Variants in FUCA2 observed in about 807,000 individuals in gnomAD.
FUCA2 encodes alpha-L-fucosidase 2.
Under a neutral mutation model 52.6 loss-of-function variants are expected in FUCA2, and 41 were observed. The ratio of observed to expected loss-of-function variants is 0.78; its 90% CI spans 0.61 to 1.01. The LOEUF (loss-of-function observed/expected upper bound fraction) is 1.01, where lower values mean the gene tolerates loss of function less well. Among genes scored for constraint, FUCA2 ranks in the 50% least tolerant of loss-of-function variants. The pLI is 0.00. For missense variants in FUCA2, 507 were observed against 569.5 expected (o/e 0.89, Z 1.12); for synonymous variants, 211 against 217.3 (o/e 0.97, Z 0.26).
chr6:143,498,047 A>G (rs1256858133), intron 5 of FUCA2, among the ~76,000 whole-genome samples: 1 of 152,222 alleles, frequency 6.6e-6, no homozygotes, highest in East Asian at 1.9e-4. Flanking sequence ...TTGAGAGATT[A>G]TAACAAAAGG....
chr6:143,497,267 C>T lies in FUCA2; in HGVS notation c.1263+122G>A. The T allele has an allele frequency of 7.3e-6, 5 of 682,312 alleles. No individual in the cohort carries two copies. In the South Asian group the frequency reaches 8.7e-5, roughly 12 times the overall value. 42.3% of individuals were successfully genotyped at this position (682,312 alleles called of 1,614,324 possible). On this transcript the variant is annotated intron_variant, in intron 6 of 6. Coordinates refer to ENST00000002165, the MANE Select transcript of FUCA2 (RefSeq NM_032020.5). The surrounding 1 kb of genome is among the most constrained non-coding windows in gnomAD (Gnocchi z 5.3). The stretch of plus-strand genomic sequence containing the variant: ...TGAGCCACAATGCTTGGCTGGAGCT[C>T]ATTTACAATTCCTTTTATGAAGTAT...
At chr6:143,498,363 G>A (rs1780490312) in intron 5 of FUCA2, among the ~76,000 whole-genome samples, 1 of 152,208 alleles carries the variant, frequency 6.6e-6, no homozygotes, top group Admixed American at 6.5e-5. Flanking sequence ...ATGCTATGGA[G>A]AAAACAAGCC....
rs1780660272 is a variant in FUCA2, at chr6:143,509,927, A to G, written c.224+1484T>C. On this transcript the variant is annotated intron_variant, in intron 1 of 6. Coordinates refer to ENST00000002165, the MANE Select transcript of FUCA2 (RefSeq NM_032020.5). The surrounding 1 kb of genome is among the most constrained non-coding windows in gnomAD (Gnocchi z 5.4). ...TTTTGGCACATTTTTAAAGGTAAAGAAACTCGAAAAATAGCAGGTGCATGA... is the reference window on the plus strand; with the variant it reads ...TTTTGGCACATTTTTAAAGGTAAAGGAACTCGAAAAATAGCAGGTGCATGA... Among the ~76,000 whole-genome samples, 2 of 152,226 alleles carry G rather than the reference A, an allele frequency of 1.3e-5. No homozygotes were observed. Among genetic ancestry groups the G allele is most frequent in the African/African-American group, 4.8e-5 (2 of 41,464 alleles).
rs1477429903 is a variant in FUCA2, at chr6:143,504,756, T to A, written c.413-504A>T. ...CCAAAGCTTGAAGTCTACTGCTTAG[T>A]TTTAGGATTGTTTATTTTATTATAG... On this transcript the variant is annotated intron_variant, in intron 2 of 6. Coordinates refer to ENST00000002165, the MANE Select transcript of FUCA2 (RefSeq NM_032020.5). This position sits in a 1 kb window ranked among gnomAD's most constrained non-coding sequence, Gnocchi z 4.4. The A allele has an allele frequency of 6.5e-6, 1 of 153,096 alleles. No homozygotes were observed. Among genetic ancestry groups the A allele is most frequent in the Non-Finnish European group, 1.5e-5 (1 of 68,694 alleles). The allele number at this position is 153,096 out of a possible 1,614,324, so 9.5% of individuals were successfully genotyped here. A position where few individuals can be genotyped will look rare whatever the true frequency, so the allele number is the denominator to read the frequency against.
In FUCA2 at chr6:143,503,541, C is replaced by T. The variant is rs1179064372; in HGVS notation, c.752+372G>A. 1.2e-5 allele frequency: 2 copies of T among 164,966 alleles called. No individual in the cohort carries two copies. The highest frequency in any genetic ancestry group is 2.4e-5 in the African/African-American group (1 of 41,736). The allele number at this position is 164,966 out of a possible 1,614,324, so 10.2% of individuals were successfully genotyped here. The stretch of plus-strand genomic sequence containing the variant: ...TAAGAGGATAAAAAGAAGCAGTCTG[C>T]GGGATTCAGAAGCAAATAGTCAGAA... On this transcript the variant is annotated intron_variant, in intron 3 of 6. Transcript: ENST00000002165. The surrounding 1 kb of genome is among the most constrained non-coding windows in gnomAD (Gnocchi z 4.8).
rs1208910696 is a variant in FUCA2 at position 143,510,910 on chromosome 6, G to A, written c.224+501C>T. ...TAAAAAGTTCCTAGAGCCACACATG[G>A]GTAACATGTTAACATTAAGTAGCCA... On this transcript the variant is annotated intron_variant, in intron 1 of 6. Transcript: ENST00000002165. This position sits in a 1 kb window ranked among gnomAD's most constrained non-coding sequence, Gnocchi z 4.4. Among the ~76,000 whole-genome samples the A allele has an allele frequency of 6.6e-6, 1 of 152,072 alleles. No homozygotes were observed. Among genetic ancestry groups the A allele is most frequent in the Non-Finnish European group, 1.5e-5 (1 of 68,016 alleles).
In FUCA2 at chr6:143,511,444, A is replaced by T. The variant is rs761024545; in HGVS notation, c.191T>A (p.Phe64Tyr). Residue 64 changes from phenylalanine to tyrosine, a missense_variant, in exon 1 of 7, where the codon TTT becomes TAT. Phe to Tyr is a conservative substitution (Grantham distance 22). Transcript: ENST00000002165. The surrounding 1 kb of genome is among the most constrained non-coding windows in gnomAD (Gnocchi z 6.3). ...KFGIFIHWGV[F>Y]SVPSFGSEWF... ...CTCGCTACCGAAGCTGGGCACGGAA[A>T]ACACTCCCCAGTGGATGAAGATGCC... is the stretch of plus-strand genomic sequence containing the variant. 6 of 1,611,746 alleles carry T rather than the reference A, an allele frequency of 3.7e-6. No homozygotes were observed. The Admixed American group carries it at 8.4e-5, about 22-fold the overall frequency.
chr6:143,507,545 T>A lies in FUCA2; in HGVS notation c.225-121A>T, dbSNP rs1294182236. On this transcript the variant is annotated intron_variant, in intron 1 of 6. Coordinates refer to ENST00000002165, the MANE Select transcript of FUCA2 (RefSeq NM_032020.5). This position sits in a 1 kb window ranked among gnomAD's most constrained non-coding sequence, Gnocchi z 4.5. ...TAGGACCCAGATTCTCTTTCTCACT[T>A]CCCCATTAGTTTGACTTGGCTTTAA... is the stretch of plus-strand genomic sequence containing the variant. 7 of 686,580 alleles carry A rather than the reference T, an allele frequency of 1.0e-5. No homozygotes were observed. The highest frequency in any genetic ancestry group is 1.9e-5 in the African/African-American group (1 of 52,832). 42.5% of individuals were successfully genotyped at this position (686,580 alleles called of 1,614,324 possible).
Position 143,497,509 on chromosome 6 carries a change from A to G in FUCA2, c.1155-12T>C. 1 of 1,478,638 alleles carries G rather than the reference A, an allele frequency of 6.8e-7. No individual in the cohort carries two copies. Among genetic ancestry groups the G allele is most frequent in the Non-Finnish European group, 9.4e-7 (1 of 1,059,874 alleles). 91.6% of individuals were successfully genotyped at this position (1,478,638 alleles called of 1,614,324 possible). On this transcript the variant is annotated splice_polypyrimidine_tract_variant and intron_variant, in intron 5 of 6. Coordinates refer to ENST00000002165, the MANE Select transcript of FUCA2 (RefSeq NM_032020.5). This position sits in a 1 kb window ranked among gnomAD's most constrained non-coding sequence, Gnocchi z 5.3. ...GCTTGGATGTGTACCTGGTTAAAAG[A>G]AAAAAATAAAGAGCATAGTAGCAAG...
rs565505422 is a variant in FUCA2 at position 143,501,451 on chromosome 6, C to T, written c.1154+481G>A. Reference sequence around the variant, plus strand: ...GGTACTCATTGACACACAGAACCTCCTCAAGCTCAGAGAGAAGCATCTTCC... The same window carrying T: ...GGTACTCATTGACACACAGAACCTCTTCAAGCTCAGAGAGAAGCATCTTCC... On this transcript the variant is annotated intron_variant, in intron 5 of 6. Coordinates refer to ENST00000002165, the MANE Select transcript of FUCA2 (RefSeq NM_032020.5). The surrounding 1 kb of genome is among the most constrained non-coding windows in gnomAD (Gnocchi z 6.1). Among the ~76,000 whole-genome samples the T allele has an allele frequency of 2.0e-5, 3 of 152,248 alleles. No individual in the cohort carries two copies. In the East Asian group the frequency reaches 5.8e-4, roughly 29 times the overall value.
Position 143,504,349 on chromosome 6 carries a change from G to A in FUCA2, c.413-97C>T, listed in dbSNP as rs1027445002. 35 of 987,564 alleles carry A rather than the reference G, an allele frequency of 3.5e-5. No homozygotes were observed. The highest frequency in any genetic ancestry group is 6.4e-5 in the South Asian group (4 of 62,236). The allele number at this position is 987,564 out of a possible 1,614,324, so 61.2% of individuals were successfully genotyped here. On this transcript the variant is annotated intron_variant, in intron 2 of 6. Coordinates refer to ENST00000002165, the MANE Select transcript of FUCA2 (RefSeq NM_032020.5). The surrounding 1 kb of genome is among the most constrained non-coding windows in gnomAD (Gnocchi z 4.4). ...CCCAAACAAATCACATAGTACATGC[G>A]ATATATAAATACCTGCTCCTACAAA... is the stretch of plus-strand genomic sequence containing the variant.
chr6:143,498,056 G>T (rs932231650), intron 5 of FUCA2, among the ~76,000 whole-genome samples: 23 of 152,094 alleles, frequency 1.5e-4, no homozygotes, highest in Admixed American at 4.6e-4. Context: ...TATAACAAAA[G>T]GATCTCTTTA....
At position 143,502,265 on chromosome 6, in the gene FUCA2, T is replaced by C; in HGVS notation, c.963+90A>G. On this transcript the variant is annotated intron_variant, in intron 4 of 6. Coordinates refer to ENST00000002165, the MANE Select transcript of FUCA2 (RefSeq NM_032020.5). The surrounding 1 kb of genome is among the most constrained non-coding windows in gnomAD (Gnocchi z 4.1). Reference sequence around the variant, plus strand: ...ACAGGATAGAACAATGTCCTATATTTATAGGCCATTGAGCCATAGAAGAAA... The same window carrying C: ...ACAGGATAGAACAATGTCCTATATTCATAGGCCATTGAGCCATAGAAGAAA... 1.4e-6 allele frequency: 2 copies of C among 1,397,544 alleles called. No individual in the cohort carries two copies. Among genetic ancestry groups the C allele is most frequent in the Non-Finnish European group, 9.9e-7 (1 of 1,009,382 alleles). 86.6% of individuals were successfully genotyped at this position (1,397,544 alleles called of 1,614,324 possible). A position where few individuals can be genotyped will look rare whatever the true frequency, so the allele number is the denominator to read the frequency against.
chr6:143,504,372 A>C lies in FUCA2; in HGVS notation c.413-120T>G. 1.2e-6 allele frequency: 1 copy of C among 821,996 alleles called. No individual in the cohort carries two copies. The highest frequency in any genetic ancestry group is 1.9e-6 in the Non-Finnish European group (1 of 527,626). 50.9% of individuals were successfully genotyped at this position (821,996 alleles called of 1,614,324 possible). ...GCGATATATAAATACCTGCTCCTAC[A>C]AATGACTGTTTTATGGCCATTTTTT... On this transcript the variant is annotated intron_variant, in intron 2 of 6. Transcript: ENST00000002165. This position sits in a 1 kb window ranked among gnomAD's most constrained non-coding sequence, Gnocchi z 4.4.
Position 143,503,980 on chromosome 6 carries a change from C to A in FUCA2, c.685G>T (p.Gly229Cys). The change falls in exon 3 of 7, where the codon GGT becomes TGT. Residue 229 changes from glycine (G) to cysteine (C), a missense_variant. Transcript: ENST00000002165. This position sits in a 1 kb window ranked among gnomAD's most constrained non-coding sequence, Gnocchi z 4.8. ...NYQPEVLWSD[G>C]DGGAPDQYWN... ...TATTGATCCGGTGCTCCTCCGTCAC[C>A]ATCCGACCACAGAACCTCAGGCTGA... 1 of 1,614,156 alleles carries A rather than the reference C, an allele frequency of 6.2e-7. No individual in the cohort carries two copies. The highest frequency in any genetic ancestry group is 2.2e-5 in the East Asian group (1 of 44,884).
In FUCA2 at chr6:143,502,688, G is replaced by A; in HGVS notation, c.753-123C>T. 1.2e-6 allele frequency: 1 copy of A among 815,708 alleles called. No individual in the cohort carries two copies. Among genetic ancestry groups the A allele is most frequent in the East Asian group, 2.7e-5 (1 of 37,374 alleles). The allele number at this position is 815,708 out of a possible 1,614,324, so 50.5% of individuals were successfully genotyped here. ...AAAAGGGACCATGGCATAGTACAGTGGAAAGCCCATGGTTTTGAAGTCAAA... is the reference window on the plus strand; with the variant it reads ...AAAAGGGACCATGGCATAGTACAGTAGAAAGCCCATGGTTTTGAAGTCAAA... On this transcript the variant is annotated intron_variant, in intron 3 of 6. Transcript: ENST00000002165. The surrounding 1 kb of genome is among the most constrained non-coding windows in gnomAD (Gnocchi z 4.1).
chr6:143,502,479 C>T lies in FUCA2; in HGVS notation c.839G>A (p.Arg280His), dbSNP rs543674576. 17 of 1,614,092 alleles carry T rather than the reference C, an allele frequency of 1.1e-5. No homozygotes were observed. The highest frequency in any genetic ancestry group is 6.6e-5 in the South Asian group (6 of 91,082). The change falls in exon 4 of 7, where the codon CGT (arginine) becomes CAT (histidine). Residue 280 changes from arginine to histidine, a missense_variant. Physicochemically the swap from Arg to His is conservative, Grantham distance 29. Coordinates refer to ENST00000002165, the MANE Select transcript of FUCA2 (RefSeq NM_032020.5). This position sits in a 1 kb window ranked among gnomAD's most constrained non-coding sequence, Gnocchi z 4.1. ...TGGCAAAAGATGTCCTGGGTTATAACGATCACTGCAGGTATAGAAGCCACC... is the reference window on the plus strand; with the variant it reads ...TGGCAAAAGATGTCCTGGGTTATAATGATCACTGCAGGTATAGAAGCCACC... ...KHGGFYTCSDRYNPGHLLPHK... is the reference protein window; with the variant it reads ...KHGGFYTCSDHYNPGHLLPHK...
rs146284129 is a variant in FUCA2, at chr6:143,509,904, T to C, written c.224+1507A>G. ...CATGAAAGGGTTAAAATATGCTATT[T>C]TGGCACATTTTTAAAGGTAAAGAAA... On this transcript the variant is annotated intron_variant, in intron 1 of 6. Coordinates refer to ENST00000002165, the MANE Select transcript of FUCA2 (RefSeq NM_032020.5). The surrounding 1 kb of genome is among the most constrained non-coding windows in gnomAD (Gnocchi z 5.4). Among the ~76,000 whole-genome samples, 316 of 152,344 alleles carry C rather than the reference T, an allele frequency of 2.1e-3. 1 individual carries two copies. The highest frequency in any genetic ancestry group is 7.4e-3 in the African/African-American group (308 of 41,598).
Position 143,509,265 on chromosome 6 carries a change from A to T in FUCA2, c.225-1841T>A, listed in dbSNP as rs559015918. ...TCACATATACTCATCTATACTGTTG[A>T]TTCCCCGAAAGTCAAATTGAGAGTG... On this transcript the variant is annotated intron_variant, in intron 1 of 6. Coordinates refer to ENST00000002165, the MANE Select transcript of FUCA2 (RefSeq NM_032020.5). This position sits in a 1 kb window ranked among gnomAD's most constrained non-coding sequence, Gnocchi z 5.4. Among the ~76,000 whole-genome samples, 57 of 152,338 alleles carry T rather than the reference A, an allele frequency of 3.7e-4. No individual in the cohort carries two copies. Among genetic ancestry groups the T allele is most frequent in the African/African-American group, 1.2e-3 (51 of 41,590 alleles).
Sources: gnomAD v4.1 joint callset for allele counts (sites outside exome capture counted in the v4.1 genomes callset) on GRCh38, gnomAD v4.1.1 for gene constraint, Gnocchi (gnomAD v3.1) non-coding constraint, MANE v1.5 for transcripts, NCBI Gene and HGNC (gene_info 2026-07-23, HGNC 2026-07-21) for gene names.